Variants in MAMDC2 observed in about 807,000 individuals in gnomAD.
MAMDC2 encodes MAM domain containing 2, also known as MAM domain-containing protein 2.
Under a neutral mutation model 89.8 loss-of-function variants are expected in MAMDC2, and 57 were observed. The ratio of observed to expected loss-of-function variants is 0.63; its 90% CI spans 0.51 to 0.79. The LOEUF (loss-of-function observed/expected upper bound fraction) is 0.79, where lower values mean the gene tolerates loss of function less well. Ranked by LOEUF, MAMDC2 falls within the 30% of genes least tolerant of loss-of-function variation. The pLI, the probability that MAMDC2 is intolerant of heterozygous loss-of-function variation, is 0.00. For missense variants in MAMDC2, 800 were observed against 820.6 expected, an observed-to-expected ratio of 0.97 and a Z score of 0.31; for synonymous variants, 313 against 293.4, an observed-to-expected ratio of 1.07 and a Z score of -0.68.
At chr9:70,218,294 T>C (rs748178205) in intron 11 of MAMDC2, 43 bp from the exon 12 acceptor site, 15 of 1,565,038 alleles carry the variant, frequency 9.6e-6, no homozygotes, top group African/African-American at 1.4e-5. Context: ...AAAATGTAAT[T>C]TGTGTCCTTT....
chr9:70,207,625 C>T (rs1341035366), intron 11 of MAMDC2, among the ~76,000 whole-genome samples: 1 of 152,122 alleles, frequency 6.6e-6, no homozygotes, highest in Non-Finnish European at 1.5e-5. Context: ...TGCAGAAGCT[C>T]TTTAGTTTAA....
At chr9:70,152,689 G>C (rs1587519310) in intron 9 of MAMDC2, among the ~76,000 whole-genome samples, 1 of 152,106 alleles carries the variant, frequency 6.6e-6, no homozygotes, top group African/African-American at 2.4e-5. Flanking sequence ...ACCTTCTGGT[G>C]TTCTAGTTTA....
chr9:70,065,532 A>G (rs906202811), intron 2 of MAMDC2, among the ~76,000 whole-genome samples: 1 of 151,618 alleles, frequency 6.6e-6, no homozygotes, highest in African/African-American at 2.4e-5. Flanking sequence ...TTTTCATCTA[A>G]GAGAATAAAC....
At chr9:70,091,626 G>A (rs748740716) in intron 2 of MAMDC2, among the ~76,000 whole-genome samples, 1 of 152,132 alleles carries the variant, frequency 6.6e-6, no homozygotes, top group South Asian at 2.1e-4. Context: ...CCGGAATCTG[G>A]CTGCTTGTTA....
chr9:70,225,427 G>A (rs1418662888), intron 12 of MAMDC2, among the ~76,000 whole-genome samples: 3 of 152,052 alleles, frequency 2.0e-5, no homozygotes, highest in Non-Finnish European at 4.4e-5. Flanking sequence ...GATGCTGGGA[G>A]AAGAGTGTTC....
intron 11 of MAMDC2, among the ~76,000 whole-genome samples, chr9:70,180,758 T>C (rs2032629195): frequency 6.6e-6 from 1 of 152,216 alleles, no homozygotes; most frequent in African/African-American, 2.4e-5. Context: ...TTCCAGATAT[T>C]AGACCTTTGT....
intron 11 of MAMDC2, among the ~76,000 whole-genome samples, chr9:70,197,719 A>AAAAACAAAAC (rs374816442): frequency 6.6e-6 from 1 of 152,110 alleles, no homozygotes; most frequent in Non-Finnish European, 1.5e-5. Flanking sequence ...AGTTTTTGGC[A>AAAAACAAAAC]AAAACAAAAC....
intron 6 of MAMDC2, among the ~76,000 whole-genome samples, chr9:70,128,256 T>G (rs1037767532): frequency 6.6e-6 from 1 of 152,230 alleles, no homozygotes; most frequent in Non-Finnish European, 1.5e-5. Context: ...TGATCAGGAA[T>G]AGCATTCTTT....
chr9:70,175,481 T>C (rs2032469919), intron 11 of MAMDC2, among the ~76,000 whole-genome samples: 1 of 146,600 alleles, frequency 6.8e-6, no homozygotes, highest in African/African-American at 2.5e-5. Context: ...AGGGTAGTGA[T>C]GCTAGCATAT....
intron 5 of MAMDC2, among the ~76,000 whole-genome samples, chr9:70,121,298 A>C (rs956306440): frequency 5.3e-5 from 8 of 152,256 alleles, no homozygotes; most frequent in Non-Finnish European, 1.0e-4. Context: ...CAGCCTCTTC[A>C]GGAGCAAGTG....
intron 7 of MAMDC2, among the ~76,000 whole-genome samples, chr9:70,137,421 T>C (rs960473715): frequency 2.6e-5 from 4 of 152,192 alleles, no homozygotes; most frequent in African/African-American, 9.6e-5. Context: ...TTAATACTGA[T>C]ACAACATTAT....
intron 7 of MAMDC2, among the ~76,000 whole-genome samples, chr9:70,135,236 G>A (rs949498028): frequency 6.6e-6 from 1 of 152,120 alleles, no homozygotes; most frequent in Non-Finnish European, 1.5e-5. Context: ...GATGCTCAGA[G>A]GCTTCCAACT....
At chr9:70,223,035 C>T (rs1587586099) in intron 12 of MAMDC2, among the ~76,000 whole-genome samples, 1 of 149,636 alleles carries the variant, frequency 6.7e-6, no homozygotes, top group Non-Finnish European at 1.5e-5. Flanking sequence ...GCTACTAAGG[C>T]GCCTAAGGCA....
intron 9 of MAMDC2, among the ~76,000 whole-genome samples, chr9:70,160,120 G>A (rs1233103580): frequency 2.0e-5 from 3 of 152,054 alleles, no homozygotes; most frequent in East Asian, 1.9e-4. Context: ...GCTGAGACAC[G>A]AGAATCCCTC....
chr9:70,087,092 T>C (rs924052449), intron 2 of MAMDC2: 1 of 152,100 alleles, frequency 6.6e-6, no homozygotes, highest in Admixed American at 6.6e-5. Context: ...TGAGTCCAGA[T>C]ATTTGTCTCC....
At chr9:70,156,703 G>A (rs537728144) in intron 9 of MAMDC2, among the ~76,000 whole-genome samples, 1 of 152,310 alleles carries the variant, frequency 6.6e-6, no homozygotes, top group African/African-American at 2.4e-5. Flanking sequence ...AGAATAAGGA[G>A]CTAAGTATGG....
Position 70,131,598 on chromosome 9 carries a change from G to T in MAMDC2, c.980G>T (p.Cys327Phe). ...LDDISFSPVHCQNQTELLFSA... is the reference protein window; with the variant it reads ...LDDISFSPVHFQNQTELLFSA... ...GATATTTCATTCTCTCCTGTTCACTGCCAGAATCAGACAGGTGAGCATTCT... is the reference window on the plus strand; with the variant it reads ...GATATTTCATTCTCTCCTGTTCACTTCCAGAATCAGACAGGTGAGCATTCT... Residue 327 changes from cysteine to phenylalanine, a missense_variant, in exon 7 of 14, where the codon TGC (cysteine) becomes TTC (phenylalanine). Transcript: ENST00000377182. The T allele has an allele frequency of 1.2e-6, 2 of 1,607,692 alleles. No individual in the cohort carries two copies. The highest frequency in any genetic ancestry group is 1.7e-6 in the Non-Finnish European group (2 of 1,177,480).
At chr9:70,217,574 T>A in intron 11 of MAMDC2, 1 of 1,603,312 alleles carries the variant, frequency 6.2e-7, no homozygotes, top group African/African-American at 1.3e-5. Flanking sequence ...AAGACTGCAA[T>A]GGCTACTGCT....
At chr9:70,185,018 C>T (rs1490471579) in intron 11 of MAMDC2, among the ~76,000 whole-genome samples, 1 of 152,160 alleles carries the variant, frequency 6.6e-6, no homozygotes, top group Non-Finnish European at 1.5e-5. Context: ...TCATGGATTT[C>T]TCTACCTTTG....
Sources: allele counts gnomAD v4.1 joint callset (sites outside exome capture counted in the v4.1 genomes callset), GRCh38; gene constraint gnomAD v4.1.1; transcripts MANE v1.5; gene names NCBI Gene and HGNC (gene_info 2026-07-23, HGNC 2026-07-21).